The following DRC4 variants were observed in gnomAD, a reference collection of about 807,000 sequenced individuals.
DRC4 encodes the protein dynein regulatory complex subunit 4.
the DRC4 span, chr16:90,036,193 G>A: frequency 1.6e-5 from 10 of 609,900 alleles, no homozygotes; most frequent in Non-Finnish European, 2.6e-5. Flanking sequence ...AGTGGTGTGT[G>A]TGCTGAGTGT....
the DRC4 span, chr16:90,042,883 A>T: frequency 4.0e-6 from 2 of 500,586 alleles, no homozygotes; most frequent in East Asian, 6.7e-5. Flanking sequence ...GGCGTGAAGA[A>T]CCTGAGTGGG....
At chr16:90,031,392 T>C in the DRC4 span, 1 of 1,613,930 alleles carries the variant, frequency 6.2e-7, no homozygotes, top group Non-Finnish European at 8.5e-7. Flanking sequence ...GATCCACACC[T>C]TCTGGGAGAT....
the DRC4 span, chr16:90,039,815 C>T: frequency 5.5e-4 from 104 of 189,066 alleles, no homozygotes; most frequent in African/African-American, 2.3e-3. Context: ...GCTCCAAGGC[C>T]GTGCTCCAGA....
At chr16:90,042,574 C>A in the DRC4 span, 1 of 1,543,140 alleles carries the variant, frequency 6.5e-7, no homozygotes, top group Non-Finnish European at 8.9e-7. Context: ...GGCACCCCCT[C>A]GGTGCCCAGA....
chr16:90,037,518 C>G, the DRC4 span: 1 of 1,193,648 alleles, frequency 8.4e-7, no homozygotes, highest in East Asian at 2.5e-5. Context: ...GGGAGGCCTG[C>G]ATTTCTCCTT....
chr16:90,035,749 A>C, the DRC4 span: 1 of 1,614,082 alleles, frequency 6.2e-7, no homozygotes, highest in Non-Finnish European at 8.5e-7. Flanking sequence ...TCAGAGAGGA[A>C]TTTACCTCCA....
chr16:90,022,571 T>A, the DRC4 span: 1 of 883,126 alleles, frequency 1.1e-6, no homozygotes, highest in Non-Finnish European at 1.6e-6. Flanking sequence ...AGGGACGCAC[T>A]CCCGCCTTTG....
At chr16:90,025,959 A>T in the DRC4 span, among the ~76,000 whole-genome samples, 9 of 152,258 alleles carry the variant, frequency 5.9e-5, no homozygotes, top group Admixed American at 2.0e-4. Context: ...TAATTTTAAA[A>T]ACGTTACATA....
the DRC4 span, among the ~76,000 whole-genome samples, chr16:90,030,086 C>T: frequency 1.9e-4 from 29 of 152,134 alleles, no homozygotes; most frequent in African/African-American, 6.0e-4. Context: ...AATGAGCTCC[C>T]GAGAAAGCTG....
At chr16:90,035,288 C>A in the DRC4 span, among the ~76,000 whole-genome samples, 1 of 152,194 alleles carries the variant, frequency 6.6e-6, no homozygotes, top group African/African-American at 2.4e-5. Context: ...CTGCCTTGGC[C>A]TCCAGCGTGC....
At chr16:90,028,737 C>G in the DRC4 span, among the ~76,000 whole-genome samples, 1 of 152,186 alleles carries the variant, frequency 6.6e-6, no homozygotes, top group Non-Finnish European at 1.5e-5. Context: ...CCTCTGCCCT[C>G]ATGGACGACT....
the DRC4 span, chr16:90,043,066 G>A: frequency 4.6e-6 from 5 of 1,081,274 alleles, no homozygotes; most frequent in Non-Finnish European, 6.5e-6. Flanking sequence ...CACGGGAAAT[G>A]ACTGATAAGC....
chr16:90,023,945 T>C, the DRC4 span, among the ~76,000 whole-genome samples: 2 of 144,972 alleles, frequency 1.4e-5, no homozygotes, highest in Non-Finnish European at 3.0e-5. Flanking sequence ...CGAGCCGAGA[T>C]CGCACCACCG....
At chr16:90,034,892 CTTTTTTTTTT>C in the DRC4 span, among the ~76,000 whole-genome samples, 3 of 53,846 alleles carry the variant, frequency 5.6e-5, no homozygotes, top group South Asian at 1.0e-3. Context: ...CCCACCTAAT[CTTTTTTTTTT>C]TTTTTTTTTT....
At chr16:90,021,157 A>G in the DRC4 span, among the ~76,000 whole-genome samples, 1 of 152,194 alleles carries the variant, frequency 6.6e-6, no homozygotes, top group Non-Finnish European at 1.5e-5. Context: ...CCTCTCCAAG[A>G]ACAATCAGGA....
At chr16:90,043,503 G>C in the DRC4 span, 1 of 746,442 alleles carries the variant, frequency 1.3e-6, no homozygotes. Context: ...CTCTGTGGAG[G>C]AGAACCACCT....
chr16:90,042,029 C>T, the DRC4 span, among the ~76,000 whole-genome samples: 1 of 151,924 alleles, frequency 6.6e-6, no homozygotes, highest in Non-Finnish European at 1.5e-5. Context: ...CCTCCGTTTC[C>T]CAGGTTCAAG....
the DRC4 span, among the ~76,000 whole-genome samples, chr16:90,032,167 A>C: frequency 6.7e-6 from 1 of 149,360 alleles, no homozygotes; most frequent in Non-Finnish European, 1.5e-5. Context: ...GCAGGTGAGC[A>C]GGGGGGTACA....
chr16:90,030,266 C>G, the DRC4 span, among the ~76,000 whole-genome samples: 6 of 152,114 alleles, frequency 3.9e-5, no homozygotes, highest in Admixed American at 2.0e-4. Flanking sequence ...GCTGCTACAT[C>G]ATTTGCATAT....
Sources: gnomAD v4.1 joint callset for allele counts (sites outside exome capture counted in the v4.1 genomes callset) on GRCh38, gnomAD v4.1.1 for gene constraint, MANE v1.5 for transcripts, NCBI Gene and HGNC (gene_info 2026-07-23, HGNC 2026-07-21) for gene names.